The following MECOM variants were observed in gnomAD, a reference collection of about 807,000 sequenced individuals.
MECOM encodes the protein histone-lysine N-methyltransferase MECOM.
MECOM carries 13 observed loss-of-function variants against 116.3 expected under a neutral mutation model. The observed-to-expected ratio is 0.11, with a 90% confidence interval of 0.07 to 0.18. The LOEUF is 0.18. Among genes scored for constraint, MECOM ranks in the 10% least tolerant of loss-of-function variants. The pLI, the probability that MECOM is intolerant of heterozygous loss-of-function variation, is 1.00. For missense variants in MECOM, 1,299 were observed against 1,509.0 expected (o/e 0.86, Z 2.31); for synonymous variants, 528 against 535.2 (o/e 0.99, Z 0.19).
At chr3:169,495,125 C>CT (rs1415071838) in intron 1 of MECOM, among the ~76,000 whole-genome samples, 1 of 152,152 alleles carries the variant, frequency 6.6e-6, no homozygotes, top group Non-Finnish European at 1.5e-5. Context: ...TTCCATTCAT[C>CT]TTTTTTCATC....
At chr3:169,416,909 G>C (rs1424344861) in intron 1 of MECOM, among the ~76,000 whole-genome samples, 6 of 152,166 alleles carry the variant, frequency 3.9e-5, no homozygotes. Context: ...GCCATATGTA[G>C]AAAGCTGAAA....
intron 2 of MECOM, among the ~76,000 whole-genome samples, chr3:169,338,883 T>A (rs77716794): frequency 6.6e-6 from 1 of 152,006 alleles, no homozygotes; most frequent in Admixed American, 6.6e-5. Context: ...AAGAGAGTGA[T>A]AGGAAAAGGG....
At chr3:169,319,248 A>T (rs1720382168) in intron 2 of MECOM, among the ~76,000 whole-genome samples, 1 of 152,220 alleles carries the variant, frequency 6.6e-6, no homozygotes, top group Admixed American at 6.5e-5. Flanking sequence ...TGCAGCCATA[A>T]AAAGGATGAG....
chr3:169,216,772 G>T (rs544126608), intron 2 of MECOM, among the ~76,000 whole-genome samples: 4 of 152,100 alleles, frequency 2.6e-5, no homozygotes, highest in East Asian at 1.9e-4. Context: ...TCTTAATTTT[G>T]CAAAAGAGAT....
chr3:169,195,524 G>T (rs557724779), intron 2 of MECOM, among the ~76,000 whole-genome samples: 1 of 152,164 alleles, frequency 6.6e-6, no homozygotes, highest in African/African-American at 2.4e-5. Flanking sequence ...TTCTTGTTAG[G>T]TTGTGAGATA....
At chr3:169,544,523 C>T (rs913818513) in intron 1 of MECOM, among the ~76,000 whole-genome samples, 5 of 152,192 alleles carry the variant, frequency 3.3e-5, no homozygotes, top group African/African-American at 1.2e-4. Context: ...TCACCAGCAT[C>T]TGTTGTTTCT....
chr3:169,320,395 G>A (rs1259408800), intron 2 of MECOM, among the ~76,000 whole-genome samples: 1 of 152,210 alleles, frequency 6.6e-6, no homozygotes, highest in East Asian at 1.9e-4. Context: ...CATACAGAGA[G>A]AAAGAAAAAT....
At chr3:169,445,561 C>T (rs558015060) in intron 1 of MECOM, among the ~76,000 whole-genome samples, 212 of 152,330 alleles carry the variant, frequency 1.4e-3, no homozygotes, top group Non-Finnish European at 2.3e-3. Context: ...TCATGGAGAA[C>T]CTCTGCCAGG....
intron 1 of MECOM, among the ~76,000 whole-genome samples, chr3:169,487,387 G>A (rs116208989): frequency 0.024 from 3,606 of 152,030 alleles, 112 homozygotes; most frequent in African/African-American, 0.072. Flanking sequence ...TGGGGGCAGG[G>A]GAGGGGGACA....
At chr3:169,113,457 C>CAG (rs10662833) in intron 8 of MECOM, among the ~76,000 whole-genome samples, 93,584 of 148,364 alleles carry the variant, frequency 0.63, 29,574 homozygotes, top group Admixed American at 0.68. Flanking sequence ...AATATATATT[C>CAG]AGAGAGAGAG....
intron 1 of MECOM, among the ~76,000 whole-genome samples, chr3:169,656,992 A>G (rs1219589515): frequency 1.3e-5 from 2 of 152,236 alleles, no homozygotes; most frequent in Non-Finnish European, 2.9e-5. Context: ...TATGAAGATA[A>G]TATCTATATA....
chr3:169,102,589 C>T (rs180943036), intron 10 of MECOM, among the ~76,000 whole-genome samples: 24 of 152,048 alleles, frequency 1.6e-4, no homozygotes, highest in East Asian at 1.4e-3. Context: ...ATTAACATAA[C>T]GGAAATTATA....
intron 2 of MECOM, among the ~76,000 whole-genome samples, chr3:169,265,919 A>T (rs886114240): frequency 1.8e-4 from 27 of 152,182 alleles, no homozygotes; most frequent in African/African-American, 6.3e-4. Context: ...CTCAGGGGAC[A>T]GAGTAACATT....
chr3:169,255,378 T>A (rs952321784), intron 2 of MECOM, among the ~76,000 whole-genome samples: 2 of 152,042 alleles, frequency 1.3e-5, no homozygotes, highest in African/African-American at 2.4e-5. Context: ...TTCATTTTTT[T>A]CTCTGTGCTT....
intron 1 of MECOM, among the ~76,000 whole-genome samples, chr3:169,660,459 C>T (rs1055664247): frequency 2.0e-5 from 3 of 147,704 alleles, no homozygotes. Flanking sequence ...TTTCAGGGTC[C>T]GTGGTCTCTG....
chr3:169,268,644 C>A (rs138533553), intron 2 of MECOM, among the ~76,000 whole-genome samples: 1 of 152,166 alleles, frequency 6.6e-6, no homozygotes, highest in South Asian at 2.1e-4. Context: ...AAAGATTAAA[C>A]GCTAATAGTG....
chr3:169,642,519 CA>C lies in MECOM; in HGVS notation c.37+20816del, dbSNP rs199958924. Reference sequence around the variant, plus strand: ...GGTAGGTTCTTAAGCCAACTAACAACAAAAAAAAAAAGTGAAAAGGAAAGAA... The same window carrying C: ...GGTAGGTTCTTAAGCCAACTAACAACAAAAAAAAAAGTGAAAAGGAAAGAA... On this transcript the variant is annotated intron_variant, in intron 1 of 16. Transcript: ENST00000651503. 1.4e-3 allele frequency among the ~76,000 whole-genome samples: 192 copies of C among 132,974 alleles called. 1 individual carries two copies. Among genetic ancestry groups the C allele is most frequent in the Middle Eastern group, 3.8e-3 (1 of 264 alleles). 87.2% of individuals were successfully genotyped at this position (132,974 alleles called of 152,430 possible).
chr3:169,326,529 A>T (rs889432134), intron 2 of MECOM, among the ~76,000 whole-genome samples: 1 of 152,214 alleles, frequency 6.6e-6, no homozygotes, highest in Non-Finnish European at 1.5e-5. Flanking sequence ...CAGAGAAAGA[A>T]CTTAATTTTC....
intron 2 of MECOM, among the ~76,000 whole-genome samples, chr3:169,201,440 G>GT (rs1258184645): frequency 1.3e-5 from 2 of 151,968 alleles, no homozygotes; most frequent in African/African-American, 4.8e-5. Flanking sequence ...GTAGGGTCAG[G>GT]TTTTTTTGTC....
Sources: allele counts gnomAD v4.1 joint callset (sites outside exome capture counted in the v4.1 genomes callset), GRCh38; gene constraint gnomAD v4.1.1; transcripts MANE v1.5; gene names NCBI Gene and HGNC (gene_info 2026-07-23, HGNC 2026-07-21).